Variants in CHD9 observed in about 807,000 individuals in gnomAD.
The protein encoded by CHD9 is ATP-dependent chromatin remodeler CHD9.
CHD9 carries 77 observed loss-of-function variants against 316.1 expected under a neutral mutation model. That is an observed-to-expected ratio of 0.24 (90% CI 0.20 to 0.29). The LOEUF (loss-of-function observed/expected upper bound fraction) is 0.29, where lower values mean the gene tolerates loss of function less well. CHD9 is among the 10% of genes least tolerant of loss of function. CHD9 has a pLI of 1.00. For synonymous variants in CHD9, 1,129 were observed against 1,158.3 expected (o/e 0.97, Z 0.51); for missense variants, 2,763 against 3,438.1 (o/e 0.80, Z 4.91).
At chr16:53,296,394 A>G (rs1329772911) in intron 29 of CHD9, among the ~76,000 whole-genome samples, 1 of 151,562 alleles carries the variant, frequency 6.6e-6, no homozygotes, top group African/African-American at 2.4e-5. Flanking sequence ...GACACATGTC[A>G]TCAGGACCTC....
intron 1 of CHD9, among the ~76,000 whole-genome samples, chr16:53,113,514 T>C (rs1028027623): frequency 2.0e-5 from 3 of 151,774 alleles, no homozygotes; most frequent in Admixed American, 6.6e-5. Context: ...GGTTTCACCA[T>C]GTTGGCCAGG....
chr16:53,062,522 A>G (rs2033023504), intron 1 of CHD9, among the ~76,000 whole-genome samples: 1 of 152,144 alleles, frequency 6.6e-6, no homozygotes, highest in African/African-American at 2.4e-5. Context: ...CAGGGAGGTC[A>G]CTTGAAGCCA....
At chr16:53,227,237 A>AT (rs1056008061) in intron 5 of CHD9, 159 bp from the exon 6 acceptor site, 2 of 531,286 alleles carry the variant, frequency 3.8e-6, no homozygotes, top group East Asian at 3.9e-5. Context: ...ACAATGATAT[A>AT]TTTTTTTCAT....
rs768052571 is a variant in CHD9, at chr16:53,156,178, C to A, written c.89C>A (p.Pro30Gln). Reference protein sequence around the residue: ...EGLSDDAFVQPGPVSLVDELN... With the variant: ...EGLSDDAFVQQGPVSLVDELN... Reference sequence around the variant, plus strand: ...TTGTCAGATGATGCATTTGTACAACCAGGACCTGTTTCACTAGTTGATGAA... The same window carrying A: ...TTGTCAGATGATGCATTTGTACAACAAGGACCTGTTTCACTAGTTGATGAA... The change falls in exon 2 of 39, where the codon CCA becomes CAA. Residue 30 changes from proline (P) to glutamine (Q), a missense_variant. Transcript: ENST00000447540. 1.9e-6 allele frequency: 3 copies of A among 1,613,916 alleles called. No homozygotes were observed. The highest frequency in any genetic ancestry group is 3.3e-5 in the Admixed American group (2 of 60,008).
chr16:53,089,192 A>T (rs890402236), intron 1 of CHD9, among the ~76,000 whole-genome samples: 2 of 152,150 alleles, frequency 1.3e-5, no homozygotes, highest in African/African-American at 4.8e-5. Context: ...AGGCTGAGGC[A>T]GGTGGATCAC....
chr16:53,100,889 G>A (rs1596987632), intron 1 of CHD9, among the ~76,000 whole-genome samples: 1 of 152,234 alleles, frequency 6.6e-6, no homozygotes, highest in East Asian at 1.9e-4. Context: ...TACATCAGAT[G>A]GTGTGAACAT....
At chr16:53,172,490 G>A (rs916573707) in intron 2 of CHD9, among the ~76,000 whole-genome samples, 2 of 152,150 alleles carry the variant, frequency 1.3e-5, no homozygotes, top group African/African-American at 4.8e-5. Flanking sequence ...ACATTTTTAT[G>A]TAGTCTTGTG....
chr16:53,287,091 T>TGGGA (rs2153044367), intron 26 of CHD9, among the ~76,000 whole-genome samples: 1 of 152,258 alleles, frequency 6.6e-6, no homozygotes. Context: ...CCTGAGTATC[T>TGGGA]GGGACCACAG....
chr16:53,103,798 CCT>C (rs1381709524), intron 1 of CHD9, among the ~76,000 whole-genome samples: 2 of 152,106 alleles, frequency 1.3e-5, no homozygotes. Context: ...CTTTTGTACC[CCT>C]CTTTACCTTT....
In CHD9 at chr16:53,120,545, G is replaced by A. The variant is rs369233741; in HGVS notation, c.-164-35381G>A. 5.9e-5 allele frequency among the ~76,000 whole-genome samples: 9 copies of A among 152,138 alleles called. No homozygotes were observed. The South Asian group carries it at 6.2e-4, about 11-fold the overall frequency. ...GGAGAATCGCTTGAAACCGGGAGGCGGAGGCTATGGTAAGCCGAGATCGCA... is the reference window on the plus strand; with the variant it reads ...GGAGAATCGCTTGAAACCGGGAGGCAGAGGCTATGGTAAGCCGAGATCGCA... On this transcript the variant is annotated intron_variant, in intron 1 of 38. Coordinates refer to ENST00000447540, the MANE Select transcript of CHD9 (RefSeq NM_001308319.2).
chr16:53,106,779 G>A (rs1337672111), intron 1 of CHD9, among the ~76,000 whole-genome samples: 1 of 152,098 alleles, frequency 6.6e-6, no homozygotes, highest in Admixed American at 6.6e-5. Flanking sequence ...AAAAGAAGGA[G>A]GAGGAGGAAG....
chr16:53,248,950 A>G (rs760363018), intron 16 of CHD9, among the ~76,000 whole-genome samples: 40 of 152,042 alleles, frequency 2.6e-4, no homozygotes, highest in South Asian at 1.5e-3. Context: ...TTTATTGTCA[A>G]TGTCCTACTC....
intron 1 of CHD9, among the ~76,000 whole-genome samples, chr16:53,124,702 AT>A (rs2038893606): frequency 6.6e-6 from 1 of 151,932 alleles, no homozygotes; most frequent in African/African-American, 2.4e-5. Context: ...TTGGTCTTGA[AT>A]TCCTGATCTC....
intron 1 of CHD9, among the ~76,000 whole-genome samples, chr16:53,124,853 C>T (rs573575132): frequency 7.0e-6 from 1 of 141,894 alleles, no homozygotes; most frequent in South Asian, 2.1e-4. Flanking sequence ...CCACTGGGGC[C>T]CTCCCACTAC....
intron 1 of CHD9, among the ~76,000 whole-genome samples, chr16:53,069,693 G>A (rs2033839538): frequency 6.6e-6 from 1 of 152,162 alleles, no homozygotes; most frequent in Non-Finnish European, 1.5e-5. Flanking sequence ...ACACTGCTAT[G>A]AACATGGGTG....
At chr16:53,097,354 CCCTTCCTTCCTTCCTT>C (rs58688221) in intron 1 of CHD9, among the ~76,000 whole-genome samples, 960 of 92,152 alleles carry the variant, frequency 0.01, 13 homozygotes, top group African/African-American at 0.03. Flanking sequence ...ACCTCGCTCT[CCCTTCCTTCCTTCCTT>C]CCTTCCTTCC....
intron 2 of CHD9, among the ~76,000 whole-genome samples, chr16:53,162,783 CTTTTT>C (rs1204390530): frequency 7.5e-6 from 1 of 133,916 alleles, no homozygotes; most frequent in Admixed American, 7.6e-5. Flanking sequence ...ACATATAAGC[CTTTTT>C]TTTTTTTTTT....
chr16:53,182,003 T>A (rs537006419), intron 2 of CHD9, among the ~76,000 whole-genome samples: 1 of 151,996 alleles, frequency 6.6e-6, no homozygotes, highest in Non-Finnish European at 1.5e-5. Context: ...CACTTGAACC[T>A]GGGAGACAGA....
At chr16:53,079,385 A>G (rs1438646154) in intron 1 of CHD9, among the ~76,000 whole-genome samples, 1 of 152,208 alleles carries the variant, frequency 6.6e-6, no homozygotes, top group Non-Finnish European at 1.5e-5. Flanking sequence ...AAATGCTTCA[A>G]CAGATGACGT....
Sources: gnomAD v4.1 joint callset for allele counts (sites outside exome capture counted in the v4.1 genomes callset) on GRCh38, gnomAD v4.1.1 for gene constraint, MANE v1.5 for transcripts, NCBI Gene and HGNC (gene_info 2026-07-23, HGNC 2026-07-21) for gene names.